Variants in PSD3 observed in about 807,000 individuals in gnomAD.
The protein encoded by PSD3 is PH and SEC7 domain-containing protein 3.
A neutral mutation model predicts 105.5 loss-of-function variants in PSD3; 49 were observed. That is an observed-to-expected ratio of 0.46 (90% CI 0.37 to 0.59). The LOEUF is 0.59. Ranked by LOEUF, PSD3 falls within the 20% of genes least tolerant of loss-of-function variation. The pLI, the probability that PSD3 is intolerant of heterozygous loss-of-function variation, is 0.00. For synonymous variants in PSD3, 557 were observed against 457.8 expected, an observed-to-expected ratio of 1.22 and a Z score of -2.77; for missense variants, 1,561 against 1,263.8, an observed-to-expected ratio of 1.24 and a Z score of -3.57.
intron 4 of PSD3, among the ~76,000 whole-genome samples, chr8:18,845,538 G>C (rs1340695485): frequency 2.0e-5 from 3 of 152,236 alleles, no homozygotes; most frequent in Non-Finnish European, 4.4e-5. Context: ...ACTGTGGGCA[G>C]TGTCAGCCAC....
Position 19,001,200 on chromosome 8 carries a change from T to C in PSD3, c.21+12363A>G, listed in dbSNP as rs115454886. On this transcript the variant is annotated intron_variant, in intron 1 of 15. Coordinates refer to ENST00000327040, the MANE Select transcript of PSD3 (RefSeq NM_015310.4). ...GCCTTGACCTCCTAGGCTCAAGCAA[T>C]CCTCCCTCCTCAGTCTTCCAGGTAG... Among the ~76,000 whole-genome samples, 645 of 151,634 alleles carry C rather than the reference T, an allele frequency of 4.3e-3. 9 individuals are homozygous for C. The highest frequency in any genetic ancestry group is 0.014 in the African/African-American group (595 of 41,294).
chr8:19,052,922 C>T (rs1370633911), intron 1 of PSD3, among the ~76,000 whole-genome samples: 2 of 152,110 alleles, frequency 1.3e-5, no homozygotes, highest in Non-Finnish European at 2.9e-5. Flanking sequence ...TTGTAGAGGG[C>T]CTGCTTGTGT....
chr8:19,071,710 A>ACTTCTT (rs10665798), intron 1 of PSD3, among the ~76,000 whole-genome samples: 4 of 151,188 alleles, frequency 2.6e-5, no homozygotes, highest in East Asian at 3.9e-4. Context: ...TCTGCCTCCG[A>ACTTCTT]CTTCTTCTTC....
At chr8:19,070,653 G>T (rs1829224204) in intron 1 of PSD3, among the ~76,000 whole-genome samples, 1 of 152,156 alleles carries the variant, frequency 6.6e-6, no homozygotes, top group Non-Finnish European at 1.5e-5. Context: ...ACTGTAGCAT[G>T]GGAGAGAAAG....
intron 9 of PSD3, among the ~76,000 whole-genome samples, chr8:18,660,230 G>C (rs1809246804): frequency 6.6e-6 from 1 of 152,020 alleles, no homozygotes; most frequent in East Asian, 1.9e-4. Context: ...AACATGAAGA[G>C]GAATATGGAA....
At chr8:19,013,278 C>G (rs1476094176) in intron 1 of PSD3, among the ~76,000 whole-genome samples, 1 of 151,848 alleles carries the variant, frequency 6.6e-6, no homozygotes, top group Admixed American at 6.6e-5. Context: ...TTTCATGTTG[C>G]CTTCTTTTGA....
chr8:18,539,096 C>T (rs1585197249), intron 15 of PSD3, among the ~76,000 whole-genome samples: 1 of 152,194 alleles, frequency 6.6e-6, no homozygotes, highest in African/African-American at 2.4e-5. Flanking sequence ...TTTTACTGAA[C>T]CAAACCAAAT....
chr8:18,602,000 A>C (rs1804474024), intron 11 of PSD3, among the ~76,000 whole-genome samples: 1 of 151,884 alleles, frequency 6.6e-6, no homozygotes, highest in Non-Finnish European at 1.5e-5. Context: ...CTAACAAGTC[A>C]CTCTACTGCT....
intron 7 of PSD3, 57 bp from the exon 8 acceptor site, chr8:18,799,410 C>T: frequency 1.5e-6 from 2 of 1,319,082 alleles, no homozygotes; most frequent in East Asian, 2.3e-5. Context: ...TTGGACTCCA[C>T]CTTATTATCA....
intron 2 of PSD3, among the ~76,000 whole-genome samples, chr8:18,933,347 ATC>A (rs1821870889): frequency 6.6e-6 from 1 of 152,068 alleles, no homozygotes; most frequent in Non-Finnish European, 1.5e-5. Flanking sequence ...ATTTGGTATT[ATC>A]TCTATATAGT....
intron 9 of PSD3, among the ~76,000 whole-genome samples, chr8:18,660,320 T>A (rs1809254069): frequency 2.0e-5 from 3 of 152,112 alleles, no homozygotes. Context: ...ACTTTTCCCC[T>A]GAACCCTCCA....
intron 10 of PSD3, among the ~76,000 whole-genome samples, chr8:18,647,815 T>C (rs1563418525): frequency 6.6e-6 from 1 of 152,168 alleles, no homozygotes; most frequent in African/African-American, 2.4e-5. Context: ...GTTCTCATGA[T>C]AGTGAGTGAG....
At chr8:18,562,507 T>G (rs1360798657) in intron 14 of PSD3, among the ~76,000 whole-genome samples, 1 of 152,168 alleles carries the variant, frequency 6.6e-6, no homozygotes, top group Non-Finnish European at 1.5e-5. Context: ...CTTGGTAAAC[T>G]CCACTGCTGC....
chr8:18,844,922 A>G (rs541718466), intron 4 of PSD3, among the ~76,000 whole-genome samples: 2 of 152,214 alleles, frequency 1.3e-5, no homozygotes, highest in African/African-American at 2.4e-5. Context: ...GCTGGTTACA[A>G]TGATCAGTTC....
chr8:18,955,120 G>C (rs1263915513), intron 1 of PSD3, among the ~76,000 whole-genome samples: 1 of 152,180 alleles, frequency 6.6e-6, no homozygotes, highest in Non-Finnish European at 1.5e-5. Flanking sequence ...GTGGCTGCTT[G>C]AGGGCCAACT....
At chr8:18,740,402 C>G (rs1325352130) in intron 9 of PSD3, among the ~76,000 whole-genome samples, 3 of 152,196 alleles carry the variant, frequency 2.0e-5, no homozygotes, top group African/African-American at 7.2e-5. Flanking sequence ...TCCCTAGCTA[C>G]AAAGAGAAAA....
chr8:18,801,396 A>C lies in PSD3; in HGVS notation c.1911-14T>G. Reference sequence around the variant, plus strand: ...TTAAAGAAATACCTACAAGAGAATTAAAAATTTAAACAGTGAAATTTTCGA... The same window carrying C: ...TTAAAGAAATACCTACAAGAGAATTCAAAATTTAAACAGTGAAATTTTCGA... On this transcript the variant is annotated splice_polypyrimidine_tract_variant and intron_variant, in intron 6 of 15. Coordinates refer to ENST00000327040, the MANE Select transcript of PSD3 (RefSeq NM_015310.4). 1.3e-6 allele frequency: 2 copies of C among 1,514,244 alleles called. No individual in the cohort carries two copies. Among genetic ancestry groups the C allele is most frequent in the Non-Finnish European group, 1.8e-6 (2 of 1,100,600 alleles). The allele number at this position is 1,514,244 out of a possible 1,614,324, so 93.8% of individuals were successfully genotyped here.
chr8:18,637,460 T>G (rs180709059), intron 10 of PSD3, among the ~76,000 whole-genome samples: 2 of 152,312 alleles, frequency 1.3e-5, no homozygotes, highest in African/African-American at 4.8e-5. Context: ...TCCCTCACAC[T>G]GTTATTTGGC....
intron 15 of PSD3, among the ~76,000 whole-genome samples, chr8:18,550,076 A>C (rs2717744): frequency 0.99 from 150,909 of 152,298 alleles, 74,785 homozygotes; most frequent in Middle Eastern, 1. Context: ...CCTTTTCCTG[A>C]AGATAATACC....
Sources: allele counts gnomAD v4.1 joint callset (sites outside exome capture counted in the v4.1 genomes callset), GRCh38; gene constraint gnomAD v4.1.1; transcripts MANE v1.5; gene names NCBI Gene and HGNC (gene_info 2026-07-23, HGNC 2026-07-21).